GPC5: variants seen among roughly 807,000 people sequenced by gnomAD.
GPC5 encodes the protein glypican 5, also known as glypican-5.
Under a neutral mutation model 53.9 loss-of-function variants are expected in GPC5, and 47 were observed. The ratio of observed to expected loss-of-function variants is 0.87; its 90% CI spans 0.69 to 1.11. GPC5 has a LOEUF of 1.11. GPC5 is among the 50% of genes most tolerant of loss of function. The pLI is 0.00. For missense variants in GPC5, 748 were observed against 713.1 expected, an observed-to-expected ratio of 1.05 and a Z score of -0.56; for synonymous variants, 286 against 263.3, an observed-to-expected ratio of 1.09 and a Z score of -0.84.
chr13:91,434,220 T>C (rs377194276), intron 1 of GPC5, among the ~76,000 whole-genome samples: 13 of 152,388 alleles, frequency 8.5e-5, no homozygotes, highest in Middle Eastern at 3.4e-3. Flanking sequence ...ATCCCATTTG[T>C]CAATTTTGGC....
intron 7 of GPC5, among the ~76,000 whole-genome samples, chr13:92,819,895 GA>G (rs972112478): frequency 1.3e-5 from 2 of 151,752 alleles, no homozygotes; most frequent in African/African-American, 4.8e-5. Flanking sequence ...TTCTTGTTAG[GA>G]AAAAAAATAT....
At chr13:92,638,874 T>A (rs1248376130) in intron 7 of GPC5, among the ~76,000 whole-genome samples, 1 of 152,226 alleles carries the variant, frequency 6.6e-6, no homozygotes, top group Non-Finnish European at 1.5e-5. Context: ...TATGAAATTC[T>A]AACATTTTAT....
chr13:91,883,127 C>T (rs2039285349), intron 5 of GPC5, among the ~76,000 whole-genome samples: 1 of 152,136 alleles, frequency 6.6e-6, no homozygotes, highest in Non-Finnish European at 1.5e-5. Context: ...CTGGAAGGTG[C>T]AAGGTGCTTC....
intron 5 of GPC5, among the ~76,000 whole-genome samples, chr13:91,757,323 A>G (rs2037317138): frequency 1.3e-5 from 2 of 152,166 alleles, no homozygotes; most frequent in Non-Finnish European, 2.9e-5. Context: ...ATTAAAAAGT[A>G]TACTTTGGAT....
At chr13:92,639,981 T>TCTCTCTCA (rs1566336401) in intron 7 of GPC5, among the ~76,000 whole-genome samples, 6 of 151,576 alleles carry the variant, frequency 4.0e-5, no homozygotes, top group African/African-American at 1.5e-4. Context: ...TTTCTCTCTC[T>TCTCTCTCA]CTCTCTCTCA....
chr13:91,565,565 T>C lies in GPC5; in HGVS notation c.325+116643T>C, dbSNP rs114700582. Among the ~76,000 whole-genome samples the C allele has an allele frequency of 2.5e-3, 374 of 152,314 alleles. 2 individuals carry two copies. Among genetic ancestry groups the C allele is most frequent in the African/African-American group, 8.6e-3 (359 of 41,576 alleles). On this transcript the variant is annotated intron_variant, in intron 2 of 7. Transcript: ENST00000377067. ...AATCCTAGGCAAGATCCAGGAAATATTGAAGTGGAAGAGACTATTAATGTT... is the reference window on the plus strand; with the variant it reads ...AATCCTAGGCAAGATCCAGGAAATACTGAAGTGGAAGAGACTATTAATGTT...
intron 3 of GPC5, among the ~76,000 whole-genome samples, chr13:91,708,402 G>C (rs113107015): frequency 6.7e-6 from 1 of 148,718 alleles, no homozygotes; most frequent in African/African-American, 2.6e-5. Flanking sequence ...CTTTAACACG[G>C]TTTGTGAAAG....
chr13:92,305,827 T>C (rs2043106918), intron 7 of GPC5, among the ~76,000 whole-genome samples: 1 of 152,200 alleles, frequency 6.6e-6, no homozygotes, highest in South Asian at 2.1e-4. Context: ...GCCATATACA[T>C]ATATTGCTTT....
At chr13:91,919,641 G>A (rs74805995) in intron 6 of GPC5, among the ~76,000 whole-genome samples, 17 of 152,144 alleles carry the variant, frequency 1.1e-4, no homozygotes, top group African/African-American at 1.7e-4. Flanking sequence ...GGAAATATGC[G>A]AAAGACAGGC....
intron 6 of GPC5, among the ~76,000 whole-genome samples, chr13:92,013,696 T>C (rs568259621): frequency 6.6e-6 from 1 of 152,148 alleles, no homozygotes; most frequent in Admixed American, 6.5e-5. Flanking sequence ...CTATCATTAC[T>C]TGTGTTAAAT....
intron 7 of GPC5, among the ~76,000 whole-genome samples, chr13:92,667,934 G>T (rs186886228): frequency 1.3e-5 from 2 of 152,048 alleles, no homozygotes; most frequent in Admixed American, 6.6e-5. Flanking sequence ...ACTAAAATCC[G>T]TCAGGAGTAA....
In GPC5 at chr13:92,390,095, A is replaced by G. The variant is rs190522106; in HGVS notation, c.1561+245106A>G. Among the ~76,000 whole-genome samples, 891 of 152,288 alleles carry G rather than the reference A, an allele frequency of 5.9e-3. 12 individuals carry two copies. Among genetic ancestry groups the G allele is most frequent in the African/African-American group, 0.02 (844 of 41,550 alleles). On this transcript the variant is annotated intron_variant, in intron 7 of 7. Transcript: ENST00000377067. ...TTGTTTTAATGACCATAGGTGGTCA[A>G]GAACGAGAGAGAAAAAAATAATTTA...
intron 7 of GPC5, among the ~76,000 whole-genome samples, chr13:92,367,642 C>T (rs1210503787): frequency 6.6e-6 from 1 of 152,122 alleles, no homozygotes; most frequent in Non-Finnish European, 1.5e-5. Context: ...TTACCTTCAT[C>T]CCCAAAGATC....
At chr13:92,423,735 G>A (rs1876693792) in intron 7 of GPC5, among the ~76,000 whole-genome samples, 1 of 152,076 alleles carries the variant, frequency 6.6e-6, no homozygotes, top group South Asian at 2.1e-4. Context: ...TCACATCCCT[G>A]TAGCCTAAGG....
At chr13:92,185,226 A>G (rs2042175590) in intron 7 of GPC5, among the ~76,000 whole-genome samples, 1 of 152,152 alleles carries the variant, frequency 6.6e-6, no homozygotes, top group African/African-American at 2.4e-5. Flanking sequence ...CATAACACAC[A>G]GTTTTTTATT....
intron 2 of GPC5, among the ~76,000 whole-genome samples, chr13:91,628,022 A>T (rs1054626491): frequency 6.6e-6 from 1 of 152,130 alleles, no homozygotes; most frequent in Non-Finnish European, 1.5e-5. Context: ...AAATTTTAAT[A>T]AATCTAAATA....
chr13:92,694,687 C>G (rs1320434868), intron 7 of GPC5, among the ~76,000 whole-genome samples: 1 of 152,216 alleles, frequency 6.6e-6, no homozygotes, highest in Admixed American at 6.5e-5. Flanking sequence ...ATGAAAGTGA[C>G]TTCCCTCATC....
intron 2 of GPC5, among the ~76,000 whole-genome samples, chr13:91,670,632 C>G (rs1258135237): frequency 6.6e-6 from 1 of 152,182 alleles, no homozygotes; most frequent in Non-Finnish European, 1.5e-5. Context: ...TACCACCAAT[C>G]ATTGTGTTTC....
intron 7 of GPC5, among the ~76,000 whole-genome samples, chr13:92,835,509 T>C (rs974597043): frequency 2.0e-5 from 3 of 152,010 alleles, no homozygotes; most frequent in Non-Finnish European, 4.4e-5. Flanking sequence ...TTGGCTCCTA[T>C]TCATTACTTT....
Sources: allele counts gnomAD v4.1 joint callset (sites outside exome capture counted in the v4.1 genomes callset), GRCh38; gene constraint gnomAD v4.1.1; transcripts MANE v1.5; gene names NCBI Gene and HGNC (gene_info 2026-07-23, HGNC 2026-07-21).